PLXNA2: variants seen among roughly 807,000 people sequenced by gnomAD.
PLXNA2 encodes the protein plexin-A2.
Under a neutral mutation model 193.5 loss-of-function variants are expected in PLXNA2, and 91 were observed. The ratio of observed to expected loss-of-function variants is 0.47; its 90% CI spans 0.40 to 0.56. The LOEUF is 0.56. Ranked by LOEUF, PLXNA2 falls within the 20% of genes least tolerant of loss-of-function variation. PLXNA2 has a pLI of 0.00. For missense variants in PLXNA2, 1,995 were observed against 2,503.2 expected, an observed-to-expected ratio of 0.80 and a Z score of 4.33; for synonymous variants, 997 against 1,027.3, an observed-to-expected ratio of 0.97 and a Z score of 0.56.
chr1:208,185,982 G>A (rs937729946), intron 3 of PLXNA2, among the ~76,000 whole-genome samples: 11 of 152,120 alleles, frequency 7.2e-5, no homozygotes, highest in African/African-American at 2.2e-4. Context: ...AGCCCTCCCT[G>A]CAATGACTCC....
intron 12 of PLXNA2, among the ~76,000 whole-genome samples, chr1:208,076,831 T>G (rs971209529): frequency 9.2e-5 from 14 of 152,214 alleles, no homozygotes; most frequent in Non-Finnish European, 1.8e-4. Context: ...TTAGATGGTA[T>G]TATTGTATCC....
chr1:208,129,095 T>C (rs995654240), intron 4 of PLXNA2, among the ~76,000 whole-genome samples: 6 of 152,200 alleles, frequency 3.9e-5, no homozygotes, highest in Non-Finnish European at 7.3e-5. Flanking sequence ...TAATAAATGC[T>C]GCAGAAATGA....
chr1:208,153,799 G>A (rs1668847566), intron 3 of PLXNA2, among the ~76,000 whole-genome samples: 1 of 152,218 alleles, frequency 6.6e-6, no homozygotes, highest in South Asian at 2.1e-4. Flanking sequence ...GGGGTACCCT[G>A]TGTGCTCTGG....
chr1:208,233,654 G>A (rs977487151), intron 1 of PLXNA2, among the ~76,000 whole-genome samples: 1 of 152,212 alleles, frequency 6.6e-6, no homozygotes, highest in African/African-American at 2.4e-5. Context: ...TCATTCCCTC[G>A]CAGCCTTGTG....
chr1:208,216,177 C>A (rs1671123585), intron 2 of PLXNA2, among the ~76,000 whole-genome samples: 1 of 152,196 alleles, frequency 6.6e-6, no homozygotes, highest in South Asian at 2.1e-4. Flanking sequence ...ACACTCCAGG[C>A]ATGCCCTGAA....
chr1:208,186,940 C>T (rs1670027053), intron 3 of PLXNA2, among the ~76,000 whole-genome samples: 1 of 151,276 alleles, frequency 6.6e-6, no homozygotes, highest in African/African-American at 2.4e-5. Flanking sequence ...CCAGGATGGT[C>T]TCGATCTCCT....
At chr1:208,213,383 T>G (rs937309813) in intron 2 of PLXNA2, among the ~76,000 whole-genome samples, 1 of 152,218 alleles carries the variant, frequency 6.6e-6, no homozygotes, top group Admixed American at 6.5e-5. Flanking sequence ...CGAACTAAAT[T>G]CAAATCCCCG....
At chr1:208,046,850 T>C (rs1665087834) in intron 17 of PLXNA2, among the ~76,000 whole-genome samples, 1 of 142,886 alleles carries the variant, frequency 7.0e-6, no homozygotes, top group African/African-American at 2.5e-5. Context: ...GTGTAGAGTG[T>C]GGAGCAGGAA....
At chr1:208,045,747 G>A in intron 18 of PLXNA2, 131 bp downstream of exon 18, 1 of 1,141,764 alleles carries the variant, frequency 8.8e-7, no homozygotes, top group Non-Finnish European at 1.3e-6. Context: ...CCTTCTGTAG[G>A]AAGGAGACAG....
intron 2 of PLXNA2, among the ~76,000 whole-genome samples, chr1:208,213,884 C>T (rs1046636609): frequency 1.3e-5 from 2 of 152,216 alleles, no homozygotes; most frequent in African/African-American, 4.8e-5. Flanking sequence ...CTCCCAGTGC[C>T]TTTGCTATCC....
chr1:208,077,636 G>A (rs1410860702), intron 12 of PLXNA2, among the ~76,000 whole-genome samples: 2 of 152,206 alleles, frequency 1.3e-5, no homozygotes, highest in African/African-American at 2.4e-5. Flanking sequence ...AGCAGTGGCC[G>A]GAAATCACTC....
chr1:208,244,105 A>T lies in PLXNA2; in HGVS notation c.-543T>A, dbSNP rs1321463936. The T allele has an allele frequency of 2.6e-5, 4 of 153,024 alleles. No homozygotes were observed. The highest frequency in any genetic ancestry group is 5.8e-5 in the Non-Finnish European group (4 of 68,766). The allele number at this position is 153,024 out of a possible 1,614,324, so 9.5% of individuals were successfully genotyped here. The stretch of plus-strand genomic sequence containing the variant: ...CGTTCACAGTCCCATTTCCTCCGGG[A>T]GCCTGGCTTTCCAGATCTATTTCGA... On this transcript the variant is annotated 5_prime_UTR_variant, in exon 1 of 32. Coordinates refer to ENST00000367033, the MANE Select transcript of PLXNA2 (RefSeq NM_025179.4).
At position 208,217,465 on chromosome 1, in the gene PLXNA2, T is replaced by C; in HGVS notation, c.458A>G (p.His153Arg). ...ACTGGACAGGTAGTGCTCCTTCTTGTGGGATGGCTCCACCAGGATGAAGAG... is the reference window on the plus strand; with the variant it reads ...ACTGGACAGGTAGTGCTCCTTCTTGCGGGATGGCTCCACCAGGATGAAGAG... ...DDLFILVEPS[H>R]KKEHYLSSVN... Residue 153 changes from histidine (H) to arginine (R), a missense_variant, in exon 2 of 32, where the codon CAC becomes CGC. Physicochemically the swap from His to Arg is conservative, Grantham distance 29. Transcript: ENST00000367033. The surrounding 1 kb of genome is among the most constrained non-coding windows in gnomAD (Gnocchi z 4.7). The C allele has an allele frequency of 6.2e-7, 1 of 1,614,148 alleles. No homozygotes were observed.
intron 29 of PLXNA2, chr1:208,031,301 C>A: frequency 8.0e-7 from 1 of 1,246,348 alleles, no homozygotes; most frequent in Non-Finnish European, 1.0e-6. Flanking sequence ...GATCTCAGAG[C>A]CAGGGGAGGA....
At chr1:208,131,229 T>C (rs989358783) in intron 4 of PLXNA2, among the ~76,000 whole-genome samples, 3 of 152,278 alleles carry the variant, frequency 2.0e-5, no homozygotes, top group African/African-American at 7.2e-5. Flanking sequence ...CCTCTGCCCC[T>C]CTTCCTGATG....
chr1:208,147,462 A>G (rs571408963), intron 3 of PLXNA2, among the ~76,000 whole-genome samples: 5 of 152,332 alleles, frequency 3.3e-5, no homozygotes, highest in African/African-American at 1.2e-4. Flanking sequence ...TCATGGTTAA[A>G]TGTGGCCCTG....
rs1378994323 is a variant in PLXNA2 at position 208,045,102 on chromosome 1, C to T, written c.3604G>A (p.Glu1202Lys). The T allele has an allele frequency of 4.3e-6, 7 of 1,613,924 alleles. No individual in the cohort carries two copies. The highest frequency in any genetic ancestry group is 1.7e-5 in the Admixed American group (1 of 59,998). Reference protein sequence around the residue: ...VTVSETQLLCEPPNLTGQHKV... With the variant: ...VTVSETQLLCKPPNLTGQHKV... ...TGCTGCCCGGTGAGGTTGGGAGGCT[C>T]GCAGAGAAGCTGGGTCTCAGATACG... Residue 1202 changes from glutamate to lysine, a missense_variant, in exon 19 of 32, where the codon GAG (glutamate) becomes AAG (lysine). Physicochemically the swap from Glu to Lys is moderately conservative, Grantham distance 56 (BLOSUM62 1). Coordinates refer to ENST00000367033, the MANE Select transcript of PLXNA2 (RefSeq NM_025179.4).
chr1:208,035,389 A>G (rs1664639273), intron 26 of PLXNA2, among the ~76,000 whole-genome samples: 1 of 152,190 alleles, frequency 6.6e-6, no homozygotes, highest in African/African-American at 2.4e-5. Context: ...CCTGGGTCCT[A>G]TAATGCCTGG....
chr1:208,096,923 C>T, intron 6 of PLXNA2, 40 bp from the exon 7 acceptor site: 2 of 1,587,594 alleles, frequency 1.3e-6, no homozygotes, highest in Non-Finnish European at 1.7e-6. Flanking sequence ...AGAAATGCCT[C>T]AGGAGACCTG....
Sources: gnomAD v4.1 joint callset for allele counts (sites outside exome capture counted in the v4.1 genomes callset) on GRCh38, gnomAD v4.1.1 for gene constraint, Gnocchi (gnomAD v3.1) non-coding constraint, MANE v1.5 for transcripts, NCBI Gene and HGNC (gene_info 2026-07-23, HGNC 2026-07-21) for gene names.